GRB2: variants seen among roughly 807,000 people sequenced by gnomAD.
GRB2 encodes the protein growth factor receptor bound protein 2, also known as growth factor receptor-bound protein 2.
In GRB2, 2 loss-of-function variants were observed where a neutral mutation model predicts 27.4. The observed-to-expected ratio is 0.07, with a 90% CI of 0.03 to 0.23. GRB2 has a LOEUF of 0.23. Among genes scored for constraint, GRB2 ranks in the 10% least tolerant of loss-of-function variants. The probability of loss-of-function intolerance (pLI) is 1.00; values close to 1 mark genes in which losing one functional copy is unlikely to be tolerated. For synonymous variants in GRB2, 94 were observed against 99.6 expected (o/e 0.94, Z 0.33); for missense variants, 102 against 282.4 (o/e 0.36, Z 4.58).
chr17:75,325,502 C>T (rs2078492744), intron 4 of GRB2, among the ~76,000 whole-genome samples: 1 of 152,174 alleles, frequency 6.6e-6, no homozygotes, highest in African/African-American at 2.4e-5. Flanking sequence ...CTGTGAGGGC[C>T]TAGGATGGGG....
chr17:75,361,451 T>C (rs1228074519), intron 2 of GRB2, among the ~76,000 whole-genome samples: 1 of 152,286 alleles, frequency 6.6e-6, no homozygotes, highest in Non-Finnish European at 1.5e-5. Context: ...GTCTAAACAC[T>C]TGACTCCTAA....
intron 2 of GRB2, among the ~76,000 whole-genome samples, chr17:75,358,517 C>T (rs2078749521): frequency 6.6e-6 from 1 of 151,774 alleles, no homozygotes; most frequent in African/African-American, 2.4e-5. Context: ...ATGGCATTAT[C>T]CTAAAACGGA....
rs777914803 is a variant in GRB2, at chr17:75,319,115, G to T, written c.*1253C>A. On this transcript the variant is annotated 3_prime_UTR_variant, in exon 6 of 6. Transcript: ENST00000316804. ...GCAAGCAGTTCCCTGAACCCCCAAG[G>T]GGCTCACAACCCTTAAAGCTGGAGC... 1 of 152,450 alleles carries T rather than the reference G, an allele frequency of 6.6e-6. No homozygotes were observed. The highest frequency in any genetic ancestry group is 1.5e-5 in the Non-Finnish European group (1 of 68,034). The allele number at this position is 152,450 out of a possible 1,614,324, so 9.4% of individuals were successfully genotyped here.
At chr17:75,364,968 C>A (rs1282151365) in intron 2 of GRB2, among the ~76,000 whole-genome samples, 2 of 152,102 alleles carry the variant, frequency 1.3e-5, no homozygotes, top group Non-Finnish European at 2.9e-5. Context: ...GAAGACAGAG[C>A]AGTCTGAAAA....
At chr17:75,339,112 G>C (rs2078602208) in intron 2 of GRB2, 1 of 1,377,400 alleles carries the variant, frequency 7.3e-7, no homozygotes, top group Non-Finnish European at 1.0e-6. Flanking sequence ...ACTGGGAGGA[G>C]ATAAGAAGAG....
intron 2 of GRB2, among the ~76,000 whole-genome samples, chr17:75,334,583 C>T (rs1438684803): frequency 1.3e-5 from 2 of 151,896 alleles, no homozygotes; most frequent in Non-Finnish European, 2.9e-5. Context: ...CCAGTCCTAC[C>T]TATAAGTTTA....
At chr17:75,386,506 T>C (rs1261271622) in intron 2 of GRB2, among the ~76,000 whole-genome samples, 1 of 152,162 alleles carries the variant, frequency 6.6e-6, no homozygotes, top group African/African-American at 2.4e-5. Context: ...ACAATATTGG[T>C]AAAAATCTCC....
intron 1 of GRB2, among the ~76,000 whole-genome samples, chr17:75,403,335 A>G (rs184783623): frequency 2.0e-5 from 3 of 152,188 alleles, no homozygotes; most frequent in Non-Finnish European, 2.9e-5. Flanking sequence ...TGTAACAATT[A>G]GAACTCTGAT....
chr17:75,358,712 A>C lies in GRB2; in HGVS notation c.79-25915T>G, dbSNP rs1229074282. 7.7e-3 allele frequency among the ~76,000 whole-genome samples: 1,124 copies of C among 146,136 alleles called. 36 individuals are homozygous for C. Among genetic ancestry groups the C allele is most frequent in the African/African-American group, 0.027 (1,061 of 40,010 alleles). ...ATCCCATCTCTACTAAAAAAAAAAA[A>C]AAAAAAAAAAAAAACAAAAAATTAG... On this transcript the variant is annotated intron_variant, in intron 2 of 5. Transcript: ENST00000316804.
At chr17:75,346,742 G>C (rs1163527641) in intron 2 of GRB2, among the ~76,000 whole-genome samples, 1 of 151,692 alleles carries the variant, frequency 6.6e-6, no homozygotes, top group Admixed American at 6.6e-5. Context: ...GCTAATTTTT[G>C]TATTTTTTAG....
chr17:75,374,837 A>G (rs182424169), intron 2 of GRB2, among the ~76,000 whole-genome samples: 39 of 152,304 alleles, frequency 2.6e-4, no homozygotes, highest in South Asian at 1.2e-3. Context: ...ACATTCTCAT[A>G]TAACTCTATA....
intron 2 of GRB2, chr17:75,338,761 AG>A: frequency 1.7e-6 from 1 of 590,260 alleles, no homozygotes; most frequent in Admixed American, 2.7e-5. Context: ...ATGAGGAATG[AG>A]GTGAGCTTTA....
Position 75,323,147 on chromosome 17 carries a change from TTC to T in GRB2, c.300-1322_300-1321del, listed in dbSNP as rs765371498. ...AAAAAAAAAAAAAAAAAAAAAGGCA[TTC>T]TCTGAGAGTGCTTGTTCAATGAATG... On this transcript the variant is annotated intron_variant, in intron 4 of 5. Coordinates refer to ENST00000316804, the MANE Select transcript of GRB2 (RefSeq NM_002086.5). Among the ~76,000 whole-genome samples, 8 of 146,196 alleles carry T rather than the reference TTC, an allele frequency of 5.5e-5. No individual in the cohort carries two copies. In the East Asian group the frequency reaches 1.6e-3, roughly 29 times the overall value.
At chr17:75,394,092 C>A in intron 1 of GRB2, 1 of 166,216 alleles carries the variant, frequency 6.0e-6, no homozygotes, top group Non-Finnish European at 1.3e-5. Context: ...TTACTCCTCA[C>A]AGGCTCTTCT....
At chr17:75,396,560 T>C (rs1193505408) in intron 1 of GRB2, among the ~76,000 whole-genome samples, 1 of 152,126 alleles carries the variant, frequency 6.6e-6, no homozygotes. Flanking sequence ...AGTTTCGTCA[T>C]CTGTAAAATG....
chr17:75,401,774 A>C (rs1219222776), intron 1 of GRB2, among the ~76,000 whole-genome samples: 3 of 152,236 alleles, frequency 2.0e-5, no homozygotes, highest in African/African-American at 7.2e-5. Flanking sequence ...TAATTAAAAG[A>C]GATAATGGTT....
intron 2 of GRB2, among the ~76,000 whole-genome samples, chr17:75,352,010 A>G (rs764606963): frequency 7.2e-5 from 11 of 152,242 alleles, no homozygotes; most frequent in Non-Finnish European, 1.6e-4. Flanking sequence ...TTCAGGATAT[A>G]AAAACCTTTT....
chr17:75,343,774 T>C (rs546320969), intron 2 of GRB2, among the ~76,000 whole-genome samples: 13 of 152,318 alleles, frequency 8.5e-5, no homozygotes, highest in East Asian at 1.9e-4. Context: ...GAAGTCCTAT[T>C]TGGTGGAGCT....
chr17:75,383,375 C>G (rs2078942186), intron 2 of GRB2, among the ~76,000 whole-genome samples: 1 of 152,170 alleles, frequency 6.6e-6, no homozygotes, highest in Non-Finnish European at 1.5e-5. Context: ...AGTTCTGAGT[C>G]TGAGGTAACA....
Sources: gnomAD v4.1 joint callset for allele counts (sites outside exome capture counted in the v4.1 genomes callset) on GRCh38, gnomAD v4.1.1 for gene constraint, MANE v1.5 for transcripts, NCBI Gene and HGNC (gene_info 2026-07-23, HGNC 2026-07-21) for gene names.